KPNA6: variants seen among roughly 807,000 people sequenced by gnomAD.
KPNA6 encodes the protein importin subunit alpha-7.
Under a neutral mutation model 72.0 loss-of-function variants are expected in KPNA6, and 9 were observed. That is an observed-to-expected ratio of 0.13 (90% CI 0.08 to 0.22). KPNA6 has a LOEUF of 0.22. Ranked by LOEUF, KPNA6 falls within the 10% of genes least tolerant of loss-of-function variation. KPNA6 has a pLI of 1.00. For missense variants in KPNA6, 374 were observed against 655.7 expected (o/e 0.57, Z 4.69); for synonymous variants, 219 against 242.1 (o/e 0.90, Z 0.89).
At chr1:32,123,901 G>A (rs1027142226) in intron 1 of KPNA6, among the ~76,000 whole-genome samples, 2 of 151,734 alleles carry the variant, frequency 1.3e-5, no homozygotes, top group African/African-American at 4.8e-5. Flanking sequence ...GGGCGTGGTG[G>A]TGTGCACCAG....
rs1299764650 is a variant in KPNA6, at chr1:32,171,609, G to A, written c.*715G>A. On this transcript the variant is annotated 3_prime_UTR_variant, in exon 14 of 14. Transcript: ENST00000373625. ...GGTCCCTCCCTCCCTCTGACTCTTT[G>A]CCCAGACCTCTTTAGTTTGGGGGAT... 1 of 152,122 alleles carries A rather than the reference G, an allele frequency of 6.6e-6. No individual in the cohort carries two copies. The highest frequency in any genetic ancestry group is 2.4e-5 in the African/African-American group (1 of 41,408). The allele number at this position is 152,122 out of a possible 1,614,324, so 9.4% of individuals were successfully genotyped here. A position where few individuals can be genotyped will look rare whatever the true frequency, so the allele number is the denominator to read the frequency against.
intron 2 of KPNA6, among the ~76,000 whole-genome samples, chr1:32,155,313 T>C (rs1350386623): frequency 6.6e-6 from 1 of 150,800 alleles, no homozygotes; most frequent in Non-Finnish European, 1.5e-5. Flanking sequence ...ACCTTTTCTT[T>C]TCTTTTTTTT....
At chr1:32,154,435 G>A (rs1642097366) in intron 1 of KPNA6, among the ~76,000 whole-genome samples, 153 bp from the exon 2 acceptor site, 1 of 151,274 alleles carries the variant, frequency 6.6e-6, no homozygotes, top group Non-Finnish European at 1.5e-5. Context: ...GGGCTGGGGG[G>A]TGGGTAGAGA....
intron 10 of KPNA6, among the ~76,000 whole-genome samples, chr1:32,165,307 C>T (rs561885494): frequency 6.6e-6 from 1 of 152,190 alleles, no homozygotes; most frequent in African/African-American, 2.4e-5. Context: ...GCCTCAGCCT[C>T]CTGAGTAGCT....
At chr1:32,138,530 C>A in intron 1 of KPNA6, among the ~76,000 whole-genome samples, 1 of 124,058 alleles carries the variant, frequency 8.1e-6, no homozygotes, top group African/African-American at 3.2e-5. Context: ...GCAACAAGAG[C>A]GAAACTCCAT....
intron 1 of KPNA6, among the ~76,000 whole-genome samples, chr1:32,142,091 C>T (rs574783910): frequency 5.9e-4 from 89 of 151,816 alleles, no homozygotes; most frequent in African/African-American, 2.1e-3. Context: ...ACCGTCTCTA[C>T]TAAAAATGCA....
intron 1 of KPNA6, among the ~76,000 whole-genome samples, chr1:32,111,465 G>C (rs1641242785): frequency 6.6e-6 from 1 of 152,110 alleles, no homozygotes; most frequent in Non-Finnish European, 1.5e-5. Context: ...TCCATCTCAG[G>C]TACCTCTCCC....
chr1:32,120,495 G>A (rs868156127), intron 1 of KPNA6, among the ~76,000 whole-genome samples: 8 of 149,476 alleles, frequency 5.4e-5, no homozygotes, highest in East Asian at 4.0e-4. Flanking sequence ...CCATCTGCCC[G>A]CCTCAGCCTC....
intron 1 of KPNA6, among the ~76,000 whole-genome samples, chr1:32,137,106 G>A (rs1242046620): frequency 6.6e-6 from 1 of 152,188 alleles, no homozygotes; most frequent in Non-Finnish European, 1.5e-5. Context: ...TAGCTGACAT[G>A]CCAAAATGCC....
intron 1 of KPNA6, among the ~76,000 whole-genome samples, chr1:32,127,130 G>A (rs530134906): frequency 6.6e-6 from 1 of 152,190 alleles, no homozygotes; most frequent in South Asian, 2.1e-4. Context: ...CCGAAGACTT[G>A]CGCCATGAGA....
chr1:32,171,313 C>T lies in KPNA6; in HGVS notation c.*419C>T, dbSNP rs1421238450. 2 of 161,010 alleles carry T rather than the reference C, an allele frequency of 1.2e-5. No individual in the cohort carries two copies. The highest frequency in any genetic ancestry group is 3.5e-4 in the East Asian group (2 of 5,720). 10.0% of individuals were successfully genotyped at this position (161,010 alleles called of 1,614,324 possible). ...ATTCTTCCCGGTCCTCTGCCCTGAT[C>T]TGTGTAACTCTTATCTTGGGTACTT... On this transcript the variant is annotated 3_prime_UTR_variant, in exon 14 of 14. Transcript: ENST00000373625.
intron 1 of KPNA6, among the ~76,000 whole-genome samples, chr1:32,136,496 A>C (rs1641738422): frequency 1.3e-5 from 2 of 152,088 alleles, no homozygotes; most frequent in Admixed American, 1.3e-4. Context: ...TGATCTAGCA[A>C]ATCTAACAAA....
rs1642155875 is a variant in KPNA6 at position 32,156,942 on chromosome 1, T to G, written c.228T>G (p.Thr76=). ...LLMDSYVSST[T]GESVITREMV... is the part of the protein sequence containing the mutation. The stretch of plus-strand genomic sequence containing the variant: ...TGGACTCTTATGTGAGCTCTACCAC[T>G]GGGGTAAGGCCCCTGCATGTGCCTC... The change falls in exon 3 of 14, where the codon ACT becomes ACG. Residue 76 remains threonine (T), a synonymous_variant. Coordinates refer to ENST00000373625, the MANE Select transcript of KPNA6 (RefSeq NM_012316.5). The G allele has an allele frequency of 6.2e-7, 1 of 1,612,512 alleles. No homozygotes were observed. Among genetic ancestry groups the G allele is most frequent in the East Asian group, 2.2e-5 (1 of 44,874 alleles).
chr1:32,147,842 T>C (rs1398358666), intron 1 of KPNA6, among the ~76,000 whole-genome samples: 1 of 151,676 alleles, frequency 6.6e-6, no homozygotes, highest in Non-Finnish European at 1.5e-5. Flanking sequence ...GTACTTTTTG[T>C]AGAGACGGGG....
chr1:32,123,759 G>C, intron 1 of KPNA6, among the ~76,000 whole-genome samples: 1 of 115,992 alleles, frequency 8.6e-6, no homozygotes, highest in Non-Finnish European at 1.7e-5. Flanking sequence ...AAAAAAAAAA[G>C]GCCAAGTGGC....
intron 1 of KPNA6, among the ~76,000 whole-genome samples, chr1:32,118,997 C>CACATAT (rs1317948681): frequency 3.3e-4 from 20 of 59,820 alleles, no homozygotes; most frequent in Non-Finnish European, 5.0e-4. Flanking sequence ...TGTGTGTATA[C>CACATAT]ATATATATAT....
rs1642461608 is a variant in KPNA6 at position 32,172,832 on chromosome 1, C to A, written c.*1938C>A. On this transcript the variant is annotated 3_prime_UTR_variant, in exon 14 of 14. Transcript: ENST00000373625. ...TTCCTTCCTCTGAAACAATGCCATT[C>A]TTGCTTCTATTGCTACACATCTCCT... is the stretch of plus-strand genomic sequence containing the variant. 1 of 334,230 alleles carries A rather than the reference C, an allele frequency of 3.0e-6. No individual in the cohort carries two copies. Among genetic ancestry groups the A allele is most frequent in the Non-Finnish European group, 5.4e-6 (1 of 186,052 alleles). 20.7% of individuals were successfully genotyped at this position (334,230 alleles called of 1,614,324 possible). A position where few individuals can be genotyped will look rare whatever the true frequency, so the allele number is the denominator to read the frequency against.
At chr1:32,128,392 TA>T (rs1329007088) in intron 1 of KPNA6, among the ~76,000 whole-genome samples, 4 of 50,218 alleles carry the variant, frequency 8.0e-5, no homozygotes, top group Admixed American at 5.3e-4. Flanking sequence ...TGTATTTATA[TA>T]TATATATATA....
intron 1 of KPNA6, among the ~76,000 whole-genome samples, chr1:32,124,057 G>C (rs1373411224): frequency 7.0e-6 from 1 of 143,542 alleles, no homozygotes; most frequent in East Asian, 2.0e-4. Context: ...AAAAAAAAAG[G>C]AATGACTAAA....
Sources: gnomAD v4.1 joint callset for allele counts (sites outside exome capture counted in the v4.1 genomes callset) on GRCh38, gnomAD v4.1.1 for gene constraint, MANE v1.5 for transcripts, NCBI Gene and HGNC (gene_info 2026-07-23, HGNC 2026-07-21) for gene names.